CUL3: variants seen among roughly 807,000 people sequenced by gnomAD.
The protein encoded by CUL3 is cullin 3, also known as cullin-3.
In CUL3, 19 loss-of-function variants were observed where a neutral mutation model predicts 89.1. That is an observed-to-expected ratio of 0.21 (90% confidence interval 0.15 to 0.31). CUL3 has a LOEUF of 0.31. Among genes scored for constraint, CUL3 ranks in the 10% least tolerant of loss-of-function variants. The pLI, the probability that CUL3 is intolerant of heterozygous loss-of-function variation, is 1.00. For synonymous variants in CUL3, 351 were observed against 308.4 expected, an observed-to-expected ratio of 1.14 and a Z score of -1.45; for missense variants, 469 against 942.3, an observed-to-expected ratio of 0.50 and a Z score of 6.58.
Position 224,585,069 on chromosome 2 carries a change from T to G in CUL3, c.-60A>C. Reference sequence around the variant, plus strand: ...CGCGCTCCGCGACGCCGGTGTCACATTTAAGGCGGGCAGGCAGGCTAGGGG... The same window carrying G: ...CGCGCTCCGCGACGCCGGTGTCACAGTTAAGGCGGGCAGGCAGGCTAGGGG... On this transcript the variant is annotated 5_prime_UTR_variant, in exon 1 of 16. An upstream start codon of the reference 5' UTR is lost. Transcript: ENST00000264414. 7.2e-7 allele frequency: 1 copy of G among 1,380,274 alleles called. No homozygotes were observed. The allele number at this position is 1,380,274 out of a possible 1,614,324, so 85.5% of individuals were successfully genotyped here.
intron 11 of CUL3, among the ~76,000 whole-genome samples, chr2:224,498,101 T>C (rs1692235246): frequency 6.6e-6 from 1 of 152,206 alleles, no homozygotes; most frequent in Admixed American, 6.5e-5. Flanking sequence ...CTGTACACTC[T>C]GCCCCAACCT....
intron 1 of CUL3, among the ~76,000 whole-genome samples, chr2:224,571,642 T>G (rs1695183307): frequency 6.8e-6 from 1 of 146,948 alleles, no homozygotes; most frequent in South Asian, 2.2e-4. Flanking sequence ...TTCCTACAAC[T>G]GTCAACTCAC....
At chr2:224,560,532 T>C (rs1694870395) in intron 1 of CUL3, 1 of 153,126 alleles carries the variant, frequency 6.5e-6, no homozygotes. Flanking sequence ...TCCTTCCAGC[T>C]GCTCCGGCCA....
intron 2 of CUL3, among the ~76,000 whole-genome samples, chr2:224,544,709 T>C (rs1241102857): frequency 5.3e-5 from 8 of 150,616 alleles, no homozygotes; most frequent in Admixed American, 1.3e-4. Context: ...CACCTTATCA[T>C]ACCACAGTGG....
chr2:224,581,154 T>G (rs1695427753), intron 1 of CUL3, among the ~76,000 whole-genome samples: 1 of 152,120 alleles, frequency 6.6e-6, no homozygotes, highest in Non-Finnish European at 1.5e-5. Flanking sequence ...CCCAGCACTT[T>G]GAGAGGCCAA....
chr2:224,545,405 G>A (rs1694257168), intron 2 of CUL3, among the ~76,000 whole-genome samples: 1 of 151,986 alleles, frequency 6.6e-6, no homozygotes, highest in African/African-American at 2.4e-5. Flanking sequence ...TCCTCATTAA[G>A]TAATTTTCTA....
Position 224,474,067 on chromosome 2 carries a change from G to A in CUL3, c.*178C>T, listed in dbSNP as rs1427750514. The A allele has an allele frequency of 7.5e-6, 4 of 529,950 alleles. No homozygotes were observed. Among genetic ancestry groups the A allele is most frequent in the Admixed American group, 3.4e-5 (1 of 29,104 alleles). The allele number at this position is 529,950 out of a possible 1,614,324, so 32.8% of individuals were successfully genotyped here. ...AGGGATAAACGTTGTAAAGCCTGAA[G>A]CTCAATCAACTGATGTTGGAAACTC... On this transcript the variant is annotated 3_prime_UTR_variant, in exon 16 of 16. Coordinates refer to ENST00000264414, the MANE Select transcript of CUL3 (RefSeq NM_003590.5).
At chr2:224,510,342 T>TATAAA (rs1454483819) in intron 6 of CUL3, among the ~76,000 whole-genome samples, 4 of 151,470 alleles carry the variant, frequency 2.6e-5, no homozygotes, top group African/African-American at 7.3e-5. Flanking sequence ...TTTTCAGGGA[T>TATAAA]TTCTCATATA....
intron 6 of CUL3, among the ~76,000 whole-genome samples, chr2:224,508,680 C>T (rs551618631): frequency 2.0e-5 from 3 of 152,100 alleles, no homozygotes; most frequent in Non-Finnish European, 2.9e-5. Context: ...AAGATACTGG[C>T]GAGACACGGT....
chr2:224,519,000 A>T (rs1693167649), intron 3 of CUL3, among the ~76,000 whole-genome samples: 5 of 152,274 alleles, frequency 3.3e-5, no homozygotes, highest in Non-Finnish European at 4.4e-5. Context: ...CTGTGTATAG[A>T]GGAAAATGAT....
intron 13 of CUL3, among the ~76,000 whole-genome samples, chr2:224,482,960 G>A (rs562846982): frequency 1.3e-5 from 2 of 152,262 alleles, no homozygotes; most frequent in South Asian, 2.1e-4. Flanking sequence ...CAGATTATAC[G>A]AGTAACTGAT....
Position 224,508,868 on chromosome 2 carries a change from A to G in CUL3, c.884-1865T>C, listed in dbSNP as rs555125090. Among the ~76,000 whole-genome samples the G allele has an allele frequency of 1.1e-4, 16 of 149,904 alleles. No homozygotes were observed. The South Asian group carries it at 3.4e-3, about 32-fold the overall frequency. ...TCCCAGCTACTCATGAGGCTGAGGCAGGAGAATGGCATGAACCTGGGAGGC... is the reference window on the plus strand; with the variant it reads ...TCCCAGCTACTCATGAGGCTGAGGCGGGAGAATGGCATGAACCTGGGAGGC... On this transcript the variant is annotated intron_variant, in intron 6 of 15. Coordinates refer to ENST00000264414, the MANE Select transcript of CUL3 (RefSeq NM_003590.5).
intron 15 of CUL3, among the ~76,000 whole-genome samples, chr2:224,476,538 AAAG>A (rs1691330382): frequency 6.6e-6 from 1 of 152,196 alleles, no homozygotes; most frequent in African/African-American, 2.4e-5. Context: ...CACATAGAGA[AAAG>A]AAGCCATTTC....
Position 224,585,225 on chromosome 2 carries a change from G to C in CUL3, c.-216C>G, listed in dbSNP as rs1162170398. On this transcript the variant is annotated 5_prime_UTR_variant, in exon 1 of 16. Coordinates refer to ENST00000264414, the MANE Select transcript of CUL3 (RefSeq NM_003590.5). ...CTCGGACTCTGGCGACTCCGATGCGGCTGGGGGGCTGCGCTGGCGCGGCGG... is the reference window on the plus strand; with the variant it reads ...CTCGGACTCTGGCGACTCCGATGCGCCTGGGGGGCTGCGCTGGCGCGGCGG... The C allele has an allele frequency of 5.2e-6, 2 of 383,584 alleles. No homozygotes were observed. Among genetic ancestry groups the C allele is most frequent in the African/African-American group, 4.2e-5 (2 of 47,368 alleles). 23.8% of individuals were successfully genotyped at this position (383,584 alleles called of 1,614,324 possible). A position where few individuals can be genotyped will look rare whatever the true frequency, so the allele number is the denominator to read the frequency against.
intron 2 of CUL3, among the ~76,000 whole-genome samples, chr2:224,549,764 C>T (rs904852493): frequency 6.6e-6 from 1 of 152,072 alleles, no homozygotes; most frequent in Non-Finnish European, 1.5e-5. Flanking sequence ...AAGATGGCTC[C>T]ACCCTTAACA....
At chr2:224,553,311 C>T (rs1559214839) in intron 2 of CUL3, among the ~76,000 whole-genome samples, 1 of 152,162 alleles carries the variant, frequency 6.6e-6, no homozygotes, top group African/African-American at 2.4e-5. Flanking sequence ...GCTGAAATTG[C>T]TACATTTCCT....
rs187247915 is a variant in CUL3 at position 224,540,025 on chromosome 2, T to G, written c.265-4384A>C. 4.0e-5 allele frequency among the ~76,000 whole-genome samples: 6 copies of G among 150,518 alleles called. No individual in the cohort carries two copies. The East Asian group carries it at 1.2e-3, about 30-fold the overall frequency. ...CTGTGCATATGTTGGGGCAGGGGTG[T>G]ATTTGGGAAATCTTAGTACCTTCCA... On this transcript the variant is annotated intron_variant, in intron 2 of 15. Transcript: ENST00000264414.
chr2:224,480,422 C>T (rs1691492556), intron 14 of CUL3, among the ~76,000 whole-genome samples: 1 of 152,072 alleles, frequency 6.6e-6, no homozygotes, highest in Admixed American at 6.5e-5. Flanking sequence ...AAAAACATTG[C>T]TTTGTAGAAT....
intron 1 of CUL3, among the ~76,000 whole-genome samples, chr2:224,582,713 A>T (rs1213127693): frequency 3.9e-5 from 6 of 152,214 alleles, no homozygotes; most frequent in Non-Finnish European, 8.8e-5. Flanking sequence ...ACACAACGTT[A>T]TTATACTGGT....
Sources: allele counts gnomAD v4.1 joint callset (sites outside exome capture counted in the v4.1 genomes callset), GRCh38; gene constraint gnomAD v4.1.1; transcripts MANE v1.5; gene names NCBI Gene and HGNC (gene_info 2026-07-23, HGNC 2026-07-21).